ROBO2: variants seen among roughly 807,000 people sequenced by gnomAD.
The protein encoded by ROBO2 is roundabout guidance receptor 2.
In ROBO2, 53 loss-of-function variants were observed where a neutral mutation model predicts 160.8. That is an observed-to-expected ratio of 0.33 (90% CI 0.26 to 0.41). ROBO2 has a LOEUF of 0.41. Among genes scored for constraint, ROBO2 ranks in the 10% least tolerant of loss-of-function variants. ROBO2 has a pLI of 1.00. For synonymous variants in ROBO2, 664 were observed against 611.7 expected, an observed-to-expected ratio of 1.09 and a Z score of -1.26; for missense variants, 1,577 against 1,722.4, an observed-to-expected ratio of 0.92 and a Z score of 1.49.
At chr3:76,143,136 C>T (rs1577035149) in intron 2 of ROBO2, among the ~76,000 whole-genome samples, 1 of 152,104 alleles carries the variant, frequency 6.6e-6, no homozygotes, top group East Asian at 1.9e-4. Context: ...AAGTGATTTT[C>T]CCACCTCAGC....
intron 1 of ROBO2, among the ~76,000 whole-genome samples, chr3:77,094,784 T>C (rs1192329492): frequency 1.3e-5 from 2 of 152,202 alleles, no homozygotes; most frequent in East Asian, 3.8e-4. Context: ...TAATAGCTAA[T>C]GATGTTGAGT....
chr3:76,563,640 A>C (rs760451893), intron 2 of ROBO2, among the ~76,000 whole-genome samples: 9 of 152,118 alleles, frequency 5.9e-5, no homozygotes, highest in African/African-American at 2.2e-4. Flanking sequence ...GAAGTTTGTA[A>C]TGTGCCTGCA....
intron 2 of ROBO2, among the ~76,000 whole-genome samples, chr3:76,038,852 A>G (rs1435976738): frequency 6.6e-6 from 1 of 151,724 alleles, no homozygotes; most frequent in African/African-American, 2.4e-5. Flanking sequence ...GTAATCTTAC[A>G]CTGTCAATAA....
intron 2 of ROBO2, among the ~76,000 whole-genome samples, chr3:77,462,097 A>G (rs1007026349): frequency 2.0e-5 from 3 of 152,218 alleles, no homozygotes; most frequent in Admixed American, 2.0e-4. Flanking sequence ...ACTTTTTATA[A>G]AATTGATAAT....
At chr3:76,375,191 G>T (rs2076284640) in intron 2 of ROBO2, among the ~76,000 whole-genome samples, 1 of 151,884 alleles carries the variant, frequency 6.6e-6, no homozygotes, top group Admixed American at 6.6e-5. Flanking sequence ...CAACCTATGA[G>T]TTACCTTAAA....
intron 2 of ROBO2, among the ~76,000 whole-genome samples, chr3:77,201,516 C>A (rs940940488): frequency 1.3e-5 from 2 of 152,090 alleles, no homozygotes; most frequent in African/African-American, 2.4e-5. Context: ...GCCGCTGAAC[C>A]TTTGAAGACC....
chr3:76,047,362 C>T (rs1373967730), intron 2 of ROBO2, among the ~76,000 whole-genome samples: 1 of 152,152 alleles, frequency 6.6e-6, no homozygotes, highest in African/African-American at 2.4e-5. Flanking sequence ...CCTCTGCATC[C>T]GTTCATTAAA....
chr3:76,472,191 G>A (rs959575680), intron 2 of ROBO2, among the ~76,000 whole-genome samples: 1 of 151,574 alleles, frequency 6.6e-6, no homozygotes, highest in Non-Finnish European at 1.5e-5. Flanking sequence ...TATGCAATAT[G>A]TATTCAGCAA....
intron 2 of ROBO2, among the ~76,000 whole-genome samples, chr3:77,180,410 C>CTATATA (rs1306675292): frequency 6.1e-5 from 6 of 97,928 alleles, no homozygotes; most frequent in African/African-American, 1.8e-4. Flanking sequence ...CTCTCTCTCT[C>CTATATA]TCTCTCTATA....
chr3:76,059,653 A>G (rs994344821), intron 2 of ROBO2, among the ~76,000 whole-genome samples: 5 of 152,116 alleles, frequency 3.3e-5, no homozygotes, highest in African/African-American at 1.2e-4. Flanking sequence ...TCTTTAGTTT[A>G]ATTAGATCCT....
At chr3:76,437,349 A>G (rs2076729864) in intron 2 of ROBO2, among the ~76,000 whole-genome samples, 2 of 152,186 alleles carry the variant, frequency 1.3e-5, no homozygotes, top group African/African-American at 2.4e-5. Flanking sequence ...TGGGTTTCCT[A>G]TACTTGAAAA....
chr3:76,627,126 A>G (rs2089702035), intron 2 of ROBO2, among the ~76,000 whole-genome samples: 1 of 152,218 alleles, frequency 6.6e-6, no homozygotes, highest in Admixed American at 6.5e-5. Flanking sequence ...AATATTTCTC[A>G]TACTTTCCAA....
intron 2 of ROBO2, among the ~76,000 whole-genome samples, chr3:76,871,071 A>G (rs1391975336): frequency 6.6e-6 from 1 of 152,204 alleles, no homozygotes; most frequent in African/African-American, 2.4e-5. Context: ...GAAATTATAC[A>G]TAACGTAGTG....
At chr3:77,511,405 A>G (rs2089378704) in intron 5 of ROBO2, among the ~76,000 whole-genome samples, 1 of 152,018 alleles carries the variant, frequency 6.6e-6, no homozygotes. Context: ...TCTAGCTCCA[A>G]GGTGGTCAGT....
intron 2 of ROBO2, among the ~76,000 whole-genome samples, chr3:76,821,551 A>G (rs903555354): frequency 3.3e-5 from 5 of 152,006 alleles, no homozygotes; most frequent in African/African-American, 1.2e-4. Context: ...ATCTCTTTTT[A>G]TATTTCAATT....
chr3:76,972,138 G>T (rs1019553682), intron 2 of ROBO2, among the ~76,000 whole-genome samples: 1 of 152,024 alleles, frequency 6.6e-6, no homozygotes, highest in Non-Finnish European at 1.5e-5. Context: ...AAAGGAAATT[G>T]TAGGAACTCT....
chr3:76,072,329 G>C (rs1027430713), intron 2 of ROBO2, among the ~76,000 whole-genome samples: 1 of 151,712 alleles, frequency 6.6e-6, no homozygotes, highest in African/African-American at 2.4e-5. Context: ...TCAAAACATT[G>C]TGTCGAAACT....
chr3:77,213,564 G>A (rs992151714), intron 2 of ROBO2, among the ~76,000 whole-genome samples: 1 of 151,988 alleles, frequency 6.6e-6, no homozygotes, highest in African/African-American at 2.4e-5. Context: ...AGGGTTTTTT[G>A]TGTCTCTATT....
At chr3:76,440,701 A>G (rs1165318273) in intron 2 of ROBO2, among the ~76,000 whole-genome samples, 2 of 152,136 alleles carry the variant, frequency 1.3e-5, no homozygotes, top group Non-Finnish European at 2.9e-5. Flanking sequence ...TGCTCCTGGA[A>G]TCACTAACCC....
Sources: allele counts gnomAD v4.1 joint callset (sites outside exome capture counted in the v4.1 genomes callset), GRCh38; gene constraint gnomAD v4.1.1; transcripts MANE v1.5; gene names NCBI Gene and HGNC (gene_info 2026-07-23, HGNC 2026-07-21).